Variants in PCDH15 observed in about 807,000 individuals in gnomAD.
The protein encoded by PCDH15 is protocadherin related 15.
Under a neutral mutation model 178.5 loss-of-function variants are expected in PCDH15, and 129 were observed. The observed-to-expected ratio is 0.72, with a 90% CI of 0.63 to 0.84. The LOEUF (loss-of-function observed/expected upper bound fraction) is 0.84, where lower values mean the gene tolerates loss of function less well. Among genes scored for constraint, PCDH15 ranks in the 40% least tolerant of loss-of-function variants. The pLI, the probability that PCDH15 is intolerant of heterozygous loss-of-function variation, is 0.00. For missense variants in PCDH15, 2,230 were observed against 2,099.9 expected (o/e 1.06, Z -1.21); for synonymous variants, 800 against 732.0 (o/e 1.09, Z -1.50).
intron 20 of PCDH15, among the ~76,000 whole-genome samples, chr10:54,019,631 A>T (rs1054867805): frequency 6.6e-6 from 1 of 152,132 alleles, no homozygotes; most frequent in African/African-American, 2.4e-5. Flanking sequence ...TCAGGCAATC[A>T]TCTGGCACAT....
chr10:54,421,638 C>A (rs1955327701), intron 3 of PCDH15, among the ~76,000 whole-genome samples: 1 of 131,770 alleles, frequency 7.6e-6, no homozygotes, highest in African/African-American at 2.8e-5. Context: ...TTAGGGCCTA[C>A]ATTTATATAT....
intron 26 of PCDH15, among the ~76,000 whole-genome samples, chr10:53,871,859 T>C (rs972384621): frequency 6.6e-6 from 1 of 152,038 alleles, no homozygotes; most frequent in Admixed American, 6.6e-5. Flanking sequence ...GTTCAAGCAA[T>C]TCTCCTGCCT....
chr10:55,504,103 C>T (rs1840712059), intron 2 of PCDH15, among the ~76,000 whole-genome samples: 1 of 151,288 alleles, frequency 6.6e-6, no homozygotes, highest in South Asian at 2.1e-4. Context: ...ACATGTTATA[C>T]CTTTGTTTGA....
intron 8 of PCDH15, among the ~76,000 whole-genome samples, chr10:54,278,772 T>A (rs1351778855): frequency 6.6e-6 from 1 of 151,564 alleles, no homozygotes; most frequent in African/African-American, 2.4e-5. Flanking sequence ...ACATGCTATA[T>A]GTATACATTT....
At chr10:55,493,407 G>A (rs545712054) in intron 2 of PCDH15, among the ~76,000 whole-genome samples, 10 of 151,670 alleles carry the variant, frequency 6.6e-5, no homozygotes, top group African/African-American at 2.4e-4. Context: ...TATTAGCTGG[G>A]TGTGGTGTCA....
At chr10:55,353,779 AC>A (rs1421645235) in intron 2 of PCDH15, among the ~76,000 whole-genome samples, 4 of 151,774 alleles carry the variant, frequency 2.6e-5, no homozygotes, top group African/African-American at 7.3e-5. Flanking sequence ...ACAGTACAAA[AC>A]CCTCCTTGGT....
At chr10:53,835,116 T>C (rs755529570) in intron 29 of PCDH15, among the ~76,000 whole-genome samples, 5 of 152,224 alleles carry the variant, frequency 3.3e-5, no homozygotes, top group Non-Finnish European at 5.9e-5. Flanking sequence ...TAGTATTCCA[T>C]TGATTTGGAT....
At chr10:54,365,927 G>T (rs1946727115) in intron 5 of PCDH15, among the ~76,000 whole-genome samples, 1 of 151,910 alleles carries the variant, frequency 6.6e-6, no homozygotes, top group Admixed American at 6.6e-5. Context: ...AGCGTAAGAG[G>T]GTAGCATTTA....
chr10:54,752,516 ACAAACAAAC>A lies in PCDH15; in HGVS notation c.-29+48400_-29+48408del, dbSNP rs1566128470. ...ACAAAAAACAAAAAACAAAAAACAA[ACAAACAAAC>A]AAACAAAAAAAAACAATAAAACAAT... On this transcript the variant is annotated intron_variant, in intron 1 of 37. Transcript: ENST00000644397. Among the ~76,000 whole-genome samples, 23 of 95,048 alleles carry A rather than the reference ACAAACAAAC, an allele frequency of 2.4e-4. 1 individual carries two copies. Among genetic ancestry groups the A allele is most frequent in the Non-Finnish European group, 3.6e-4 (14 of 38,432 alleles). The allele number at this position is 95,048 out of a possible 152,430, so 62.4% of individuals were successfully genotyped here. A position where few individuals can be genotyped will look rare whatever the true frequency, so the allele number is the denominator to read the frequency against.
chr10:55,294,369 GTGTTGAACTAAAAA>G (rs1292532502), intron 1 of PCDH15, among the ~76,000 whole-genome samples: 1 of 152,126 alleles, frequency 6.6e-6, no homozygotes, highest in Non-Finnish European at 1.5e-5. Flanking sequence ...GTATAGCTAG[GTGTTGAACTAAAAA>G]TGTCAGAATT....
chr10:55,315,021 T>C (rs1317031361), intron 1 of PCDH15, among the ~76,000 whole-genome samples: 3 of 152,112 alleles, frequency 2.0e-5, no homozygotes, highest in African/African-American at 7.2e-5. Flanking sequence ...ACTTTGTTCA[T>C]TTATAAACAC....
At chr10:54,659,251 G>C (rs1224882270) in intron 2 of PCDH15, among the ~76,000 whole-genome samples, 2 of 152,116 alleles carry the variant, frequency 1.3e-5, no homozygotes, top group Non-Finnish European at 2.9e-5. Context: ...AGTAACTCCA[G>C]ACTTAAATGG....
intron 1 of PCDH15, among the ~76,000 whole-genome samples, chr10:55,286,677 A>C (rs563028737): frequency 6.6e-6 from 1 of 152,096 alleles, no homozygotes; most frequent in South Asian, 2.1e-4. Flanking sequence ...GGCCAAAATG[A>C]GCTTCCCATT....
At chr10:54,210,958 A>C (rs1442688496) in intron 10 of PCDH15, among the ~76,000 whole-genome samples, 2 of 152,020 alleles carry the variant, frequency 1.3e-5, no homozygotes, top group African/African-American at 4.8e-5. Context: ...AAGAACTGAG[A>C]GACAGTAAAT....
Position 54,357,892 on chromosome 10 carries a change from T to C in PCDH15, c.474+11228A>G, listed in dbSNP as rs564989820. 2.6e-5 allele frequency among the ~76,000 whole-genome samples: 4 copies of C among 152,026 alleles called. No individual in the cohort carries two copies. In the East Asian group the frequency reaches 7.7e-4, roughly 29 times the overall value. On this transcript the variant is annotated intron_variant, in intron 5 of 37. Coordinates refer to ENST00000644397, the MANE Select transcript of PCDH15 (RefSeq NM_001384140.1). ...ACAACTATCTGATCTTTGACAAACC[T>C]GACAAAAACAAGAAATGGGGAAAGG...
At chr10:53,985,754 G>A (rs1026179404) in intron 21 of PCDH15, among the ~76,000 whole-genome samples, 16 of 152,068 alleles carry the variant, frequency 1.1e-4, no homozygotes, top group African/African-American at 3.9e-4. Context: ...TTATGCTCAG[G>A]TTCCTGGACC....
At chr10:54,859,975 T>C (rs998125696) in intron 3 of PCDH15, among the ~76,000 whole-genome samples, 1 of 152,040 alleles carries the variant, frequency 6.6e-6, no homozygotes, top group Non-Finnish European at 1.5e-5. Flanking sequence ...TGTAATAAAC[T>C]ATGACAACTC....
intron 2 of PCDH15, among the ~76,000 whole-genome samples, chr10:54,971,478 G>A (rs1032503330): frequency 1.1e-4 from 17 of 152,264 alleles, no homozygotes; most frequent in African/African-American, 3.6e-4. Flanking sequence ...CTCCAGAACA[G>A]TAAGAAATAA....
chr10:54,356,305 C>T (rs1164466579), intron 5 of PCDH15, among the ~76,000 whole-genome samples: 1 of 151,894 alleles, frequency 6.6e-6, no homozygotes, highest in Non-Finnish European at 1.5e-5. Flanking sequence ...ATACACTCCT[C>T]TGGTCCTGAA....
Sources: allele counts gnomAD v4.1 joint callset (sites outside exome capture counted in the v4.1 genomes callset), GRCh38; gene constraint gnomAD v4.1.1; transcripts MANE v1.5; gene names NCBI Gene and HGNC (gene_info 2026-07-23, HGNC 2026-07-21).